EPHA6: variants seen among roughly 807,000 people sequenced by gnomAD.
EPHA6 encodes the protein ephrin type-A receptor 6.
A neutral mutation model predicts 112.0 loss-of-function variants in EPHA6; 50 were observed. The observed-to-expected ratio is 0.45, with a 90% CI of 0.36 to 0.56. The LOEUF is 0.56. Ranked by LOEUF, EPHA6 falls within the 20% of genes least tolerant of loss-of-function variation. The pLI is 0.00. For missense variants in EPHA6, 1,280 were observed against 1,417.4 expected, an observed-to-expected ratio of 0.90 and a Z score of 1.56; for synonymous variants, 529 against 490.7, an observed-to-expected ratio of 1.08 and a Z score of -1.03.
chr3:97,245,452 C>T (rs1285847713), intron 5 of EPHA6, among the ~76,000 whole-genome samples: 2 of 151,840 alleles, frequency 1.3e-5, no homozygotes, highest in African/African-American at 4.8e-5. Context: ...ATTCTGAGGT[C>T]CTAGGGGTTG....
intron 2 of EPHA6, among the ~76,000 whole-genome samples, chr3:96,885,678 G>T (rs1359865733): frequency 6.6e-6 from 1 of 151,270 alleles, no homozygotes; most frequent in East Asian, 1.9e-4. Context: ...AAGAACCAGG[G>T]TTTTTTTTCA....
At chr3:97,351,086 T>C (rs749476709) in intron 5 of EPHA6, among the ~76,000 whole-genome samples, 5 of 152,116 alleles carry the variant, frequency 3.3e-5, no homozygotes, top group Non-Finnish European at 7.4e-5. Context: ...AACAACACGC[T>C]CCATATGTTC....
intron 7 of EPHA6, among the ~76,000 whole-genome samples, chr3:97,454,839 T>C (rs1191726479): frequency 6.6e-6 from 1 of 151,886 alleles, no homozygotes; most frequent in Non-Finnish European, 1.5e-5. Context: ...TTATTAATGG[T>C]AGCACATGAA....
chr3:97,395,134 GA>G (rs547109176), intron 5 of EPHA6, among the ~76,000 whole-genome samples: 17 of 149,028 alleles, frequency 1.1e-4, no homozygotes, highest in South Asian at 2.1e-4. Context: ...AATTCAGAAA[GA>G]AAAAAAAACA....
chr3:97,102,240 C>A (rs1040381967), intron 3 of EPHA6, among the ~76,000 whole-genome samples: 1 of 152,034 alleles, frequency 6.6e-6, no homozygotes, highest in African/African-American at 2.4e-5. Context: ...AGACACCAAA[C>A]GTATGAGTGA....
intron 5 of EPHA6, among the ~76,000 whole-genome samples, chr3:97,253,460 A>G (rs551038876): frequency 6.6e-6 from 1 of 152,318 alleles, no homozygotes; most frequent in East Asian, 1.9e-4. Flanking sequence ...TCTGCTATAT[A>G]TTGTTATACT....
chr3:97,625,351 C>T (rs367634763), intron 13 of EPHA6, among the ~76,000 whole-genome samples: 36 of 151,594 alleles, frequency 2.4e-4, no homozygotes, highest in Admixed American at 5.9e-4. Flanking sequence ...TGGATTTTTC[C>T]GTTTTTCTTC....
At position 97,276,862 on chromosome 3, in the gene EPHA6, C is replaced by G. The variant is rs576526989; in HGVS notation, c.1606+32575C>G. The stretch of plus-strand genomic sequence containing the variant: ...AAGGAAAAAGGAAAAGGAGCATTAA[C>G]CTTGACTATGCCTTTAGCTCCAGCC... On this transcript the variant is annotated intron_variant, in intron 5 of 17. Transcript: ENST00000389672. 3.4e-4 allele frequency among the ~76,000 whole-genome samples: 52 copies of G among 152,224 alleles called. No individual in the cohort carries two copies. In the South Asian group the frequency reaches 6.0e-3, roughly 18 times the overall value.
chr3:97,616,836 G>A (rs148191689), intron 13 of EPHA6, among the ~76,000 whole-genome samples: 7 of 152,138 alleles, frequency 4.6e-5, no homozygotes, highest in African/African-American at 1.2e-4. Flanking sequence ...GGGGAGAATG[G>A]AACCAATGTA....
intron 7 of EPHA6, among the ~76,000 whole-genome samples, chr3:97,454,634 A>G (rs1425290843): frequency 6.6e-6 from 1 of 151,864 alleles, no homozygotes. Context: ...TGTTAATTCT[A>G]AATTTGGGGG....
At chr3:97,011,132 C>T (rs2044070727) in intron 3 of EPHA6, among the ~76,000 whole-genome samples, 1 of 152,150 alleles carries the variant, frequency 6.6e-6, no homozygotes. Flanking sequence ...CAAGTGGTGA[C>T]ACCTTGGGAG....
At chr3:97,097,106 G>C (rs1488243464) in intron 3 of EPHA6, among the ~76,000 whole-genome samples, 4 of 151,504 alleles carry the variant, frequency 2.6e-5, no homozygotes, top group Non-Finnish European at 5.9e-5. Flanking sequence ...AAAAAATGTA[G>C]TTTAAGCTGA....
intron 11 of EPHA6, among the ~76,000 whole-genome samples, chr3:97,545,839 T>G (rs978240161): frequency 5.3e-5 from 8 of 152,212 alleles, no homozygotes; most frequent in African/African-American, 1.9e-4. Context: ...TTTTCTCCTT[T>G]GATCTTTGTT....
chr3:96,896,074 T>A (rs76397707), intron 2 of EPHA6, among the ~76,000 whole-genome samples: 3,410 of 152,320 alleles, frequency 0.022, 62 homozygotes, highest in Non-Finnish European at 0.034. Context: ...TTTCTCAGAA[T>A]GTATCCCCGT....
At chr3:97,649,305 C>T (rs981272281) in intron 14 of EPHA6, among the ~76,000 whole-genome samples, 19 of 152,016 alleles carry the variant, frequency 1.2e-4, no homozygotes, top group African/African-American at 1.7e-4. Context: ...GTCACTACCA[C>T]GACAACAGTA....
intron 2 of EPHA6, among the ~76,000 whole-genome samples, chr3:96,904,803 G>A (rs1332714807): frequency 1.3e-5 from 2 of 152,006 alleles, no homozygotes; most frequent in Admixed American, 6.6e-5. Flanking sequence ...TTCTAAATTT[G>A]ATGTACAGGA....
intron 3 of EPHA6, among the ~76,000 whole-genome samples, chr3:97,165,023 G>A (rs969812663): frequency 7.2e-5 from 11 of 152,084 alleles, no homozygotes; most frequent in Non-Finnish European, 2.9e-5. Flanking sequence ...AGCTTAATAT[G>A]TAAGACCCTC....
chr3:97,162,243 A>G (rs1232587409), intron 3 of EPHA6, among the ~76,000 whole-genome samples: 2 of 152,108 alleles, frequency 1.3e-5, no homozygotes, highest in African/African-American at 2.4e-5. Flanking sequence ...TCCCTCTGGG[A>G]ATGTAGTATT....
chr3:97,357,446 C>T (rs1437394651), intron 5 of EPHA6, among the ~76,000 whole-genome samples: 1 of 152,146 alleles, frequency 6.6e-6, no homozygotes, highest in Non-Finnish European at 1.5e-5. Flanking sequence ...AGGTGATCCA[C>T]CCTCCTCAGC....
Sources: gnomAD v4.1 joint callset for allele counts (sites outside exome capture counted in the v4.1 genomes callset) on GRCh38, gnomAD v4.1.1 for gene constraint, MANE v1.5 for transcripts, NCBI Gene and HGNC (gene_info 2026-07-23, HGNC 2026-07-21) for gene names.